The following DYNC2H1 variants were observed in gnomAD, a reference collection of about 807,000 sequenced individuals.
DYNC2H1 encodes dynein cytoplasmic 2 heavy chain 1.
DYNC2H1 carries 410 observed loss-of-function variants against 570.0 expected under a neutral mutation model. The ratio of observed to expected loss-of-function variants is 0.72; its 90% confidence interval spans 0.66 to 0.78. The LOEUF is 0.78. Among genes scored for constraint, DYNC2H1 ranks in the 30% least tolerant of loss-of-function variants. The pLI is 0.00. For missense variants in DYNC2H1, 4,865 were observed against 5,046.4 expected (o/e 0.96, Z 1.09); for synonymous variants, 1,688 against 1,677.6 (o/e 1.01, Z -0.15).
At chr11:103,399,375 C>T (rs1453640297) in intron 83 of DYNC2H1, among the ~76,000 whole-genome samples, 1 of 146,668 alleles carries the variant, frequency 6.8e-6, no homozygotes, top group Admixed American at 6.9e-5. Flanking sequence ...AGACTGGTCT[C>T]AAACTCCTTA....
intron 82 of DYNC2H1, among the ~76,000 whole-genome samples, chr11:103,357,972 C>T (rs1302724148): frequency 6.6e-6 from 1 of 152,048 alleles, no homozygotes. Flanking sequence ...ATAACAACAA[C>T]AAATGAAGCA....
At chr11:103,406,218 T>G (rs1462032779) in intron 84 of DYNC2H1, 2 of 151,964 alleles carry the variant, frequency 1.3e-5, no homozygotes, top group African/African-American at 2.4e-5. Context: ...AATTTCTAAG[T>G]TATGATTAGT....
At position 103,446,007 on chromosome 11, in the gene DYNC2H1, G is replaced by A. The variant is rs2135780998; in HGVS notation, c.12457-9179G>A. Reference sequence around the variant, plus strand: ...GGTTAAGTGGTTTAGTGAGTTGAAGGATACTGACAATATGGTAATAGAGCA... The same window carrying A: ...GGTTAAGTGGTTTAGTGAGTTGAAGAATACTGACAATATGGTAATAGAGCA... On this transcript the variant is annotated intron_variant, in intron 85 of 88. Transcript: ENST00000375735. This position sits in a 1 kb window ranked among gnomAD's most constrained non-coding sequence, Gnocchi z 4.5. Among the ~76,000 whole-genome samples the A allele has an allele frequency of 1.3e-5, 2 of 151,786 alleles. No individual in the cohort carries two copies. The highest frequency in any genetic ancestry group is 3.9e-4 in the East Asian group (2 of 5,154).
rs140135120 is a variant in DYNC2H1 at position 103,370,883 on chromosome 11, A to C, written c.12156+12524A>C. 1.3e-4 allele frequency among the ~76,000 whole-genome samples: 20 copies of C among 152,220 alleles called. No individual in the cohort carries two copies. The East Asian group carries it at 3.5e-3, about 27-fold the overall frequency. The stretch of plus-strand genomic sequence containing the variant: ...TCCCAGACTGAGAAAACTACAATAA[A>C]TAACTAACTCTTCAATGCCGAGACA... On this transcript the variant is annotated intron_variant, in intron 83 of 88. Coordinates refer to ENST00000375735, the MANE Select transcript of DYNC2H1 (RefSeq NM_001377.3).
chr11:103,260,106 A>G, intron 70 of DYNC2H1, 129 bp downstream of exon 70: 1 of 516,080 alleles, frequency 1.9e-6, no homozygotes, highest in Non-Finnish European at 3.1e-6. Context: ...GTATTTTTCC[A>G]GAACATTTAA....
At chr11:103,304,316 T>A (rs1867182322) in intron 76 of DYNC2H1, among the ~76,000 whole-genome samples, 1 of 152,134 alleles carries the variant, frequency 6.6e-6, no homozygotes, top group Non-Finnish European at 1.5e-5. Context: ...GTTTATACAT[T>A]AGGTCAATAT....
At chr11:103,312,647 A>T (rs1026918319) in intron 79 of DYNC2H1, among the ~76,000 whole-genome samples, 1 of 148,632 alleles carries the variant, frequency 6.7e-6, no homozygotes, top group Admixed American at 6.9e-5. Context: ...TTAAATTTAT[A>T]TCCTTAATTT....
chr11:103,425,861 A>G (rs542976553), intron 84 of DYNC2H1, among the ~76,000 whole-genome samples: 2 of 151,998 alleles, frequency 1.3e-5, no homozygotes, highest in Admixed American at 6.6e-5. Context: ...TACTATATAT[A>G]TAAATTTCAT....
intron 83 of DYNC2H1, among the ~76,000 whole-genome samples, chr11:103,394,426 ATTAT>A (rs1326284879): frequency 2.0e-5 from 3 of 152,154 alleles, no homozygotes; most frequent in Non-Finnish European, 4.4e-5. Flanking sequence ...TAACCTAGAG[ATTAT>A]TTAAAGTATA....
At chr11:103,132,144 T>A (rs1201230147) in intron 13 of DYNC2H1, among the ~76,000 whole-genome samples, 1 of 152,080 alleles carries the variant, frequency 6.6e-6, no homozygotes, top group Non-Finnish European at 1.5e-5. Flanking sequence ...ATATATATAT[T>A]AACTCTTTTG....
chr11:103,354,206 C>CCTGTTTAGCCTGCTGTTTGGCCTG, intron 82 of DYNC2H1, among the ~76,000 whole-genome samples: 1 of 149,336 alleles, frequency 6.7e-6, no homozygotes, highest in African/African-American at 2.5e-5. Context: ...AAAAAAATCT[C>CCTGTTTAGCCTGCTGTTTGGCCTG]CTGTTTAGCC....
At position 103,472,981 on chromosome 11, in the gene DYNC2H1, G is replaced by T. The variant is rs182996148; in HGVS notation, c.12765+4276G>T. On this transcript the variant is annotated intron_variant, in intron 88 of 88. Transcript: ENST00000375735. The surrounding 1 kb of genome is among the most constrained non-coding windows in gnomAD (Gnocchi z 4.1). ...TTAGGCTGCAGCTCCATTTTTCAGAGAACATTTTAGGTTGCAAAAGATTGA... is the reference window on the plus strand; with the variant it reads ...TTAGGCTGCAGCTCCATTTTTCAGATAACATTTTAGGTTGCAAAAGATTGA... 2.2e-4 allele frequency among the ~76,000 whole-genome samples: 34 copies of T among 152,224 alleles called. No individual in the cohort carries two copies. The East Asian group carries it at 6.2e-3, about 28-fold the overall frequency.
intron 83 of DYNC2H1, among the ~76,000 whole-genome samples, chr11:103,377,113 G>A (rs1457296478): frequency 1.3e-5 from 2 of 152,094 alleles, no homozygotes; most frequent in African/African-American, 2.4e-5. Flanking sequence ...GAATATAATC[G>A]GGGCCTTTTG....
chr11:103,303,054 T>C (rs1867115151), intron 75 of DYNC2H1, 39 bp from the exon 76 acceptor site: 1 of 1,358,020 alleles, frequency 7.4e-7, no homozygotes, highest in African/African-American at 1.5e-5. Flanking sequence ...TAATAATGCA[T>C]ACTGCTTTTA....
intron 85 of DYNC2H1, among the ~76,000 whole-genome samples, chr11:103,448,625 C>T (rs2135787094): frequency 6.6e-6 from 1 of 152,274 alleles, no homozygotes; most frequent in African/African-American, 2.4e-5. Flanking sequence ...AGAGAGATTT[C>T]TTATAGTCAG....
intron 20 of DYNC2H1, among the ~76,000 whole-genome samples, chr11:103,149,026 C>G (rs570720300): frequency 5.1e-4 from 77 of 152,160 alleles, no homozygotes; most frequent in Admixed American, 1.3e-3. Context: ...CACTGCACTC[C>G]AGCCTGGGTG....
intron 83 of DYNC2H1, among the ~76,000 whole-genome samples, chr11:103,374,309 T>C (rs758996353): frequency 9.2e-5 from 14 of 152,192 alleles, no homozygotes; most frequent in Non-Finnish European, 1.8e-4. Flanking sequence ...CTGATGATTT[T>C]ATAAGCTACT....
At chr11:103,317,713 CCTT>C (rs35393056) in intron 80 of DYNC2H1, among the ~76,000 whole-genome samples, 45,545 of 151,664 alleles carry the variant, frequency 0.3, 6,984 homozygotes, top group South Asian at 0.39. Context: ...TTTCATATGG[CCTT>C]CTTCTTCCTA....
At chr11:103,348,807 GA>G (rs1319572655) in intron 82 of DYNC2H1, among the ~76,000 whole-genome samples, 3 of 152,082 alleles carry the variant, frequency 2.0e-5, no homozygotes, top group African/African-American at 7.2e-5. Flanking sequence ...TGTGTCAAGG[GA>G]GGGACCTCAT....
Sources: allele counts gnomAD v4.1 joint callset (sites outside exome capture counted in the v4.1 genomes callset), GRCh38; gene constraint gnomAD v4.1.1; non-coding constraint Gnocchi (gnomAD v3.1); transcripts MANE v1.5; gene names NCBI Gene and HGNC (gene_info 2026-07-23, HGNC 2026-07-21).